CSMD1: variants seen among roughly 807,000 people sequenced by gnomAD.
The protein encoded by CSMD1 is CUB and Sushi multiple domains 1.
A neutral mutation model predicts 417.5 loss-of-function variants in CSMD1; 213 were observed. That is an observed-to-expected ratio of 0.51 (90% CI 0.46 to 0.57). CSMD1 has a LOEUF of 0.57. CSMD1 is among the 20% of genes least tolerant of loss of function. CSMD1 has a pLI of 0.00. For missense variants in CSMD1, 6,923 were observed against 4,529.7 expected (o/e 1.53, Z -15.17); for synonymous variants, 2,862 against 1,736.8 (o/e 1.65, Z -16.11).
intron 26 of CSMD1, among the ~76,000 whole-genome samples, chr8:3,256,667 C>T (rs1012448677): frequency 6.6e-6 from 1 of 152,218 alleles, no homozygotes; most frequent in African/African-American, 2.4e-5. Flanking sequence ...ACCCACACTT[C>T]CAGAACTGGA....
chr8:4,067,802 G>C (rs1024700106), intron 3 of CSMD1, among the ~76,000 whole-genome samples: 5 of 152,180 alleles, frequency 3.3e-5, no homozygotes, highest in Non-Finnish European at 7.3e-5. Context: ...AATGGGGCCA[G>C]ATACAGTGGC....
At chr8:3,985,889 G>T (rs530463467) in intron 5 of CSMD1, among the ~76,000 whole-genome samples, 1 of 151,348 alleles carries the variant, frequency 6.6e-6, no homozygotes. Context: ...CCAATTCATC[G>T]TGCACTCTTA....
At chr8:3,282,576 G>GT (rs756419804) in intron 26 of CSMD1, among the ~76,000 whole-genome samples, 9 of 152,140 alleles carry the variant, frequency 5.9e-5, no homozygotes, top group Non-Finnish European at 1.2e-4. Context: ...TAATTTTGGA[G>GT]TAAAGGACTT....
rs1554523441 is a variant in CSMD1, at chr8:3,354,875, A to ATATCTATAGATATCTATATCTATAGATC, written c.3304+4276_3304+4277insGATCTATAGATATAGATATCTATAGATA. On this transcript the variant is annotated intron_variant, in intron 21 of 69. Transcript: ENST00000635120. Reference sequence around the variant, plus strand: ...CCTCTCCCTATATATAGATATACATATATCTATAGATATGTCTATCTATAG... The same window carrying ATATCTATAGATATCTATATCTATAGATC: ...CCTCTCCCTATATATAGATATACATATATCTATAGATATCTATATCTATAGATCTATCTATAGATATGTCTATCTATAG... 7.7e-4 allele frequency among the ~76,000 whole-genome samples: 55 copies of ATATCTATAGATATCTATATCTATAGATC among 71,532 alleles called. 3 individuals are homozygous for ATATCTATAGATATCTATATCTATAGATC. The highest frequency in any genetic ancestry group is 3.8e-3 in the South Asian group (9 of 2,346). 46.9% of individuals were successfully genotyped at this position (71,532 alleles called of 152,430 possible).
intron 1 of CSMD1, among the ~76,000 whole-genome samples, chr8:4,673,909 T>A (rs1050344422): frequency 2.0e-5 from 3 of 151,986 alleles, no homozygotes; most frequent in African/African-American, 4.8e-5. Context: ...GATACAGGGT[T>A]TGGGAGGATA....
chr8:3,258,434 C>T (rs542111690), intron 26 of CSMD1, among the ~76,000 whole-genome samples: 59 of 152,102 alleles, frequency 3.9e-4, no homozygotes, highest in African/African-American at 1.2e-3. Context: ...ACTGAAAAAC[C>T]GAGATATAAA....
In CSMD1 at chr8:3,860,569, A is replaced by G. The variant is rs533832711; in HGVS notation, c.819-106527T>C. On this transcript the variant is annotated intron_variant, in intron 5 of 69. Coordinates refer to ENST00000635120, the MANE Select transcript of CSMD1 (RefSeq NM_033225.6). ...TTACCAATGATATCAGAAAATACGC[A>G]TATGTATTGCTAACCATATTACACA... 1.3e-4 allele frequency among the ~76,000 whole-genome samples: 20 copies of G among 152,286 alleles called. No individual in the cohort carries two copies. The South Asian group carries it at 2.9e-3, about 22-fold the overall frequency.
At chr8:3,776,667 G>A (rs1322164637) in intron 5 of CSMD1, among the ~76,000 whole-genome samples, 1 of 151,962 alleles carries the variant, frequency 6.6e-6, no homozygotes, top group African/African-American at 2.4e-5. Context: ...TTCCCACCAA[G>A]GCACTTGCCA....
chr8:3,037,174 G>A (rs1810739832), intron 50 of CSMD1, among the ~76,000 whole-genome samples: 1 of 152,068 alleles, frequency 6.6e-6, no homozygotes, highest in Admixed American at 6.5e-5. Flanking sequence ...TTATGGCTGA[G>A]CAGTATTTCA....
At chr8:3,076,168 T>C (rs1813665904) in intron 49 of CSMD1, among the ~76,000 whole-genome samples, 1 of 152,298 alleles carries the variant, frequency 6.6e-6, no homozygotes, top group Admixed American at 6.5e-5. Flanking sequence ...ATGGATTTTC[T>C]CACAGTCCTG....
intron 12 of CSMD1, among the ~76,000 whole-genome samples, chr8:3,428,513 A>T (rs975107523): frequency 3.3e-5 from 5 of 152,228 alleles, no homozygotes; most frequent in African/African-American, 1.2e-4. Context: ...TGATGGGGAA[A>T]AAAAAGACTT....
chr8:3,564,535 G>GTGTGTC (rs1554471487), intron 10 of CSMD1, among the ~76,000 whole-genome samples: 21 of 151,642 alleles, frequency 1.4e-4, no homozygotes, highest in African/African-American at 5.1e-4. Flanking sequence ...GTGTGTGTGT[G>GTGTGTC]TGTGTGTGTG....
chr8:3,822,528 T>C (rs1217723540), intron 5 of CSMD1, among the ~76,000 whole-genome samples: 1 of 152,206 alleles, frequency 6.6e-6, no homozygotes, highest in Non-Finnish European at 1.5e-5. Flanking sequence ...AGTTAATTAA[T>C]GTCTTCCCCG....
At chr8:4,731,146 G>C (rs534827457) in intron 1 of CSMD1, among the ~76,000 whole-genome samples, 1 of 152,300 alleles carries the variant, frequency 6.6e-6, no homozygotes, top group East Asian at 1.9e-4. Context: ...GCTTCGAGTA[G>C]CATTTAACTT....
chr8:4,129,218 G>C (rs1259672326), intron 3 of CSMD1, among the ~76,000 whole-genome samples: 1 of 152,014 alleles, frequency 6.6e-6, no homozygotes, highest in African/African-American at 2.4e-5. Flanking sequence ...AAATTCAGCA[G>C]ATTCCTATCA....
At chr8:4,469,878 TTTTA>T (rs1461849459) in intron 2 of CSMD1, among the ~76,000 whole-genome samples, 1 of 151,714 alleles carries the variant, frequency 6.6e-6, no homozygotes, top group Non-Finnish European at 1.5e-5. Flanking sequence ...CTTTTTTTTT[TTTTA>T]TTTGAGACGG....
At chr8:4,270,110 T>C (rs1804490145) in intron 3 of CSMD1, among the ~76,000 whole-genome samples, 1 of 152,170 alleles carries the variant, frequency 6.6e-6, no homozygotes, top group Non-Finnish European at 1.5e-5. Flanking sequence ...CAGCAATCTC[T>C]TTCTGAGACT....
At chr8:4,801,245 A>G (rs1002175685) in intron 1 of CSMD1, among the ~76,000 whole-genome samples, 1 of 152,166 alleles carries the variant, frequency 6.6e-6, no homozygotes, top group Admixed American at 6.5e-5. Flanking sequence ...GGACTGATCT[A>G]TGACTTTCTC....
intron 1 of CSMD1, among the ~76,000 whole-genome samples, chr8:4,831,810 C>T (rs945545921): frequency 1.3e-5 from 2 of 152,070 alleles, no homozygotes; most frequent in African/African-American, 4.8e-5. Flanking sequence ...ACCAGCATCT[C>T]CCACCCCCTC....
Sources: gnomAD v4.1 joint callset for allele counts (sites outside exome capture counted in the v4.1 genomes callset) on GRCh38, gnomAD v4.1.1 for gene constraint, MANE v1.5 for transcripts, NCBI Gene and HGNC (gene_info 2026-07-23, HGNC 2026-07-21) for gene names.